Variants in PPP2R2B observed in about 807,000 individuals in gnomAD.
PPP2R2B encodes the protein serine/threonine-protein phosphatase 2A 55 kDa regulatory subunit B beta isoform.
Under a neutral mutation model 46.0 loss-of-function variants are expected in PPP2R2B, and 5 were observed. The ratio of observed to expected loss-of-function variants is 0.11; its 90% confidence interval spans 0.06 to 0.23. PPP2R2B has a LOEUF of 0.23. PPP2R2B is among the 10% of genes least tolerant of loss of function. The pLI is 1.00. For missense variants in PPP2R2B, 367 were observed against 575.0 expected (o/e 0.64, Z 3.70); for synonymous variants, 215 against 206.7 (o/e 1.04, Z -0.34).
chr5:147,035,154 G>A lies in PPP2R2B; in HGVS notation c.79+20511C>T, dbSNP rs1469260484. On this transcript the variant is annotated intron_variant, in intron 1 of 8. Transcript: ENST00000336640. ...GAGACTGGGTAAATTATAAAGAAAAGTTTAATTGACTCACAGTTCTGCATG... is the reference window on the plus strand; with the variant it reads ...GAGACTGGGTAAATTATAAAGAAAAATTTAATTGACTCACAGTTCTGCATG... 8.8e-6 allele frequency: 4 copies of A among 454,918 alleles called. No homozygotes were observed. The Admixed American group carries it at 9.4e-5, about 11-fold the overall frequency. The allele number at this position is 454,918 out of a possible 1,614,324, so 28.2% of individuals were successfully genotyped here. A position where few individuals can be genotyped will look rare whatever the true frequency, so the allele number is the denominator to read the frequency against.
At chr5:147,053,240 A>T (rs1756917219) in intron 1 of PPP2R2B, among the ~76,000 whole-genome samples, 2 of 151,454 alleles carry the variant, frequency 1.3e-5, no homozygotes, top group Non-Finnish European at 2.9e-5. Flanking sequence ...ACGCGCACAC[A>T]AAAAAAGCAA....
intron 1 of PPP2R2B, chr5:147,040,912 C>A: frequency 2.6e-6 from 1 of 384,204 alleles, no homozygotes; most frequent in South Asian, 1.9e-5. Flanking sequence ...CTTATCAAGA[C>A]ACAAGCCTGC....
At chr5:146,660,602 G>A (rs1037515996) in intron 5 of PPP2R2B, among the ~76,000 whole-genome samples, 6 of 152,038 alleles carry the variant, frequency 3.9e-5, no homozygotes, top group South Asian at 2.1e-4. Context: ...CCAGCACCCC[G>A]CCAAAACCCC....
chr5:146,765,797 A>G (rs944027502), intron 2 of PPP2R2B, among the ~76,000 whole-genome samples: 1 of 152,204 alleles, frequency 6.6e-6, no homozygotes, highest in East Asian at 1.9e-4. Flanking sequence ...TTGGATTTAG[A>G]CAAAGAAACC....
rs989699923 is a variant in PPP2R2B, at chr5:146,675,256, C to T, written c.447+15872G>A. 5.3e-5 allele frequency among the ~76,000 whole-genome samples: 8 copies of T among 152,220 alleles called. No homozygotes were observed. In the East Asian group the frequency reaches 5.8e-4, roughly 11 times the overall value. ...ATTACAGGTGTGAGCCACTGCACCC[C>T]GCCGATACTTGGTATTTTATACAAC... On this transcript the variant is annotated intron_variant, in intron 5 of 9. Transcript: ENST00000394411.
At chr5:146,978,638 A>G (rs1268102322) in intron 1 of PPP2R2B, among the ~76,000 whole-genome samples, 1 of 152,096 alleles carries the variant, frequency 6.6e-6, no homozygotes, top group Non-Finnish European at 1.5e-5. Context: ...TCCTTTCCCC[A>G]TTTCTTGTTT....
chr5:147,035,253 C>A, intron 1 of PPP2R2B: 1 of 400,190 alleles, frequency 2.5e-6, no homozygotes, highest in Non-Finnish European at 4.9e-6. Context: ...TACATGGTAG[C>A]AGGAGAGAAA....
intron 1 of PPP2R2B, among the ~76,000 whole-genome samples, chr5:146,965,050 A>C (rs936942112): frequency 6.6e-6 from 1 of 152,118 alleles, no homozygotes; most frequent in Non-Finnish European, 1.5e-5. Flanking sequence ...ACACACCAGA[A>C]CATCATGACA....
chr5:146,872,250 G>C (rs1013055077), intron 2 of PPP2R2B, among the ~76,000 whole-genome samples: 2 of 152,188 alleles, frequency 1.3e-5, no homozygotes, highest in Non-Finnish European at 2.9e-5. Flanking sequence ...ATGCATTCTG[G>C]TTATTATGTT....
intron 2 of PPP2R2B, chr5:146,707,462 C>G: frequency 1.3e-6 from 1 of 757,262 alleles, no homozygotes; most frequent in Non-Finnish European, 2.4e-6. Context: ...TAGGCCACCC[C>G]GGAAGCTGCT....
At chr5:146,955,792 T>G (rs1751869602) in intron 1 of PPP2R2B, among the ~76,000 whole-genome samples, 1 of 148,740 alleles carries the variant, frequency 6.7e-6, no homozygotes, top group African/African-American at 2.5e-5. Flanking sequence ...TTTTTTTTTT[T>G]TTTTGAGACA....
chr5:146,967,977 A>G (rs1019816508), intron 1 of PPP2R2B, among the ~76,000 whole-genome samples: 32 of 152,322 alleles, frequency 2.1e-4, no homozygotes, highest in African/African-American at 7.2e-4. Flanking sequence ...AGCTTATATA[A>G]GCCGCATGCA....
chr5:146,878,819 C>T, upstream of PPP2R2B: 2 of 1,263,232 alleles, frequency 1.6e-6, no homozygotes, highest in Admixed American at 2.6e-5. The surrounding 1 kb of genome is among the most constrained non-coding windows in gnomAD (Gnocchi z 4.5). Flanking sequence ...CGTCAGCAGC[C>T]CCACGACTCT....
At chr5:146,707,419 G>T (rs1331784184) in intron 2 of PPP2R2B, 4 of 774,534 alleles carry the variant, frequency 5.2e-6, no homozygotes, top group East Asian at 2.4e-5. Context: ...GACTGGGACG[G>T]CAGTGATGCC....
intron 1 of PPP2R2B, among the ~76,000 whole-genome samples, chr5:146,893,035 A>C (rs574631137): frequency 6.6e-6 from 1 of 152,204 alleles, no homozygotes; most frequent in Admixed American, 6.5e-5. Context: ...GGCCATTTTC[A>C]GTTTCTTGAA....
At chr5:146,927,508 C>T (rs759402158) in intron 1 of PPP2R2B, among the ~76,000 whole-genome samples, 16 of 152,162 alleles carry the variant, frequency 1.1e-4, no homozygotes, top group African/African-American at 2.7e-4. Flanking sequence ...CTCTAAACAC[C>T]GCTTGCCATC....
At chr5:146,697,956 T>C (rs367592959) in intron 4 of PPP2R2B, 23 bp downstream of exon 4, 110 of 1,596,158 alleles carry the variant, frequency 6.9e-5, no homozygotes, top group Non-Finnish European at 9.1e-5. Context: ...TCTCTGAAAA[T>C]ACCAAACAGG....
intron 5 of PPP2R2B, among the ~76,000 whole-genome samples, chr5:146,664,908 T>C (rs1776885793): frequency 6.6e-6 from 1 of 152,184 alleles, no homozygotes; most frequent in South Asian, 2.1e-4. Flanking sequence ...ACTAGGTGCA[T>C]TGTCAATGAG....
At chr5:146,748,207 C>T (rs138758730) in intron 2 of PPP2R2B, among the ~76,000 whole-genome samples, 10 of 152,152 alleles carry the variant, frequency 6.6e-5, no homozygotes, top group Non-Finnish European at 1.0e-4. Context: ...TAGTAAGTGG[C>T]GTAGCAGGAA....
Sources: allele counts gnomAD v4.1 joint callset (sites outside exome capture counted in the v4.1 genomes callset), GRCh38; gene constraint gnomAD v4.1.1; non-coding constraint Gnocchi (gnomAD v3.1); transcripts MANE v1.5; gene names NCBI Gene and HGNC (gene_info 2026-07-23, HGNC 2026-07-21).